Variants in LIN54 observed in about 807,000 individuals in gnomAD.
The protein encoded by LIN54 is lin-54 DREAM MuvB core complex component.
Under a neutral mutation model 78.7 loss-of-function variants are expected in LIN54, and 9 were observed. The observed-to-expected ratio is 0.11, with a 90% CI of 0.07 to 0.20. LIN54 has a LOEUF of 0.20. Ranked by LOEUF, LIN54 falls within the 10% of genes least tolerant of loss-of-function variation. LIN54 has a pLI of 1.00. For synonymous variants in LIN54, 269 were observed against 318.4 expected, an observed-to-expected ratio of 0.84 and a Z score of 1.65; for missense variants, 573 against 889.9, an observed-to-expected ratio of 0.64 and a Z score of 4.53.
At chr4:82,938,388 A>C (rs758013421) in intron 8 of LIN54, 25 bp downstream of exon 8, 1 of 1,267,896 alleles carries the variant, frequency 7.9e-7, no homozygotes, top group African/African-American at 1.5e-5. Context: ...CTAACAACTT[A>C]TGTACCTATT....
At position 82,995,489 on chromosome 4, in the gene LIN54, C is replaced by CTTTT. The variant is rs749880882; in HGVS notation, c.-32-10617_-32-10614dup. 1.2e-3 allele frequency among the ~76,000 whole-genome samples: 91 copies of CTTTT among 76,286 alleles called. 1 individual carries two copies. The highest frequency in any genetic ancestry group is 1.6e-3 in the African/African-American group (31 of 19,788). 50.0% of individuals were successfully genotyped at this position (76,286 alleles called of 152,430 possible). On this transcript the variant is annotated intron_variant, in intron 1 of 12. Transcript: ENST00000340417. ...GTCTTATGATTACACATCCTTATCT[C>CTTTT]TTTTTTTTTTTTTTTTTTTTTTTTG...
chr4:82,947,233 A>ATTTTT (rs1233101387), intron 4 of LIN54, among the ~76,000 whole-genome samples: 453 of 16,792 alleles, frequency 0.027, 11 homozygotes, highest in South Asian at 0.11. Flanking sequence ...ATATATATAT[A>ATTTTT]TATTTTTTTT....
intron 1 of LIN54, among the ~76,000 whole-genome samples, chr4:82,991,754 T>C (rs1727733715): frequency 6.6e-6 from 1 of 152,244 alleles, no homozygotes; most frequent in South Asian, 2.1e-4. Flanking sequence ...GAAAATCGTA[T>C]GGCTTTTCTT....
At chr4:83,009,633 G>C (rs1343421393) in intron 1 of LIN54, among the ~76,000 whole-genome samples, 1 of 152,142 alleles carries the variant, frequency 6.6e-6, no homozygotes, top group Non-Finnish European at 1.5e-5. Context: ...AATCAATCCA[G>C]CTCTCTAAAC....
At position 82,978,963 on chromosome 4, in the gene LIN54, G is replaced by A. The variant is rs748888011; in HGVS notation, c.728C>T (p.Thr243Met). 22 of 1,593,784 alleles carry A rather than the reference G, an allele frequency of 1.4e-5. No individual in the cohort carries two copies. Among genetic ancestry groups the A allele is most frequent in the East Asian group, 2.2e-5 (1 of 44,752 alleles). The change falls in exon 3 of 13, where the codon ACG becomes ATG. Residue 243 changes from threonine (T) to methionine (M), a missense_variant. By Grantham distance (81) the Thr-to-Met change is moderately conservative. Around this residue, in one of 6 missense-constraint regions of LIN54, gnomAD observed 199 missense variants for 260.9 expected, o/e 0.76. Transcript: ENST00000340417. ...PRTPTSGPVI[T>M]KLIFAKPINS... is the part of the protein sequence containing the mutation. ...AATTGGTTTTGCAAAGATCAGCTTCGTGATTACTGGACCAGAGGTTGGCGT... is the reference window on the plus strand; with the variant it reads ...AATTGGTTTTGCAAAGATCAGCTTCATGATTACTGGACCAGAGGTTGGCGT...
At chr4:82,946,720 GC>G (rs1723388415) in intron 4 of LIN54, among the ~76,000 whole-genome samples, 3 of 152,128 alleles carry the variant, frequency 2.0e-5, no homozygotes, top group African/African-American at 7.2e-5. Context: ...CAGATGACTT[GC>G]TATGAAGAAA....
At chr4:82,979,983 G>A (rs961160397) in intron 2 of LIN54, among the ~76,000 whole-genome samples, 7 of 143,888 alleles carry the variant, frequency 4.9e-5, no homozygotes, top group Admixed American at 1.4e-4. Context: ...GTCTCATCTC[G>A]TCACCCAGAC....
intron 1 of LIN54, among the ~76,000 whole-genome samples, chr4:82,987,218 G>C (rs999283530): frequency 6.6e-6 from 1 of 152,194 alleles, no homozygotes; most frequent in Non-Finnish European, 1.5e-5. Context: ...TTGAAGCCGG[G>C]AGGCGGAGGT....
At chr4:82,931,799 ATAT>A (rs1471615816) in intron 11 of LIN54, among the ~76,000 whole-genome samples, 1 of 152,164 alleles carries the variant, frequency 6.6e-6, no homozygotes, top group African/African-American at 2.4e-5. Flanking sequence ...TTTCAAAATC[ATAT>A]TATCTGCTTT....
At chr4:82,986,681 C>A (rs1441733939) in intron 1 of LIN54, among the ~76,000 whole-genome samples, 3 of 120,772 alleles carry the variant, frequency 2.5e-5, no homozygotes, top group African/African-American at 6.7e-5. Flanking sequence ...TTGAGCCGGG[C>A]GACAGAGCGA....
chr4:82,937,957 C>T (rs1221871344), intron 8 of LIN54, among the ~76,000 whole-genome samples: 3 of 151,836 alleles, frequency 2.0e-5, no homozygotes, highest in Non-Finnish European at 2.9e-5. Context: ...ATAGTGAGAC[C>T]GCATCTCTAC....
At chr4:82,982,573 C>G (rs1726767128) in intron 2 of LIN54, among the ~76,000 whole-genome samples, 1 of 152,102 alleles carries the variant, frequency 6.6e-6, no homozygotes. Flanking sequence ...ATTGCCAAAG[C>G]CAAATAAACT....
chr4:83,001,796 G>C (rs1336367829), intron 1 of LIN54, among the ~76,000 whole-genome samples: 10 of 141,178 alleles, frequency 7.1e-5, no homozygotes, highest in African/African-American at 1.4e-4. Flanking sequence ...TGCAGTGAGC[G>C]AAGATCGCAC....
chr4:82,931,152 G>A lies in LIN54; in HGVS notation c.1846-7C>T, dbSNP rs754998968. 6.2e-7 allele frequency: 1 copy of A among 1,612,384 alleles called. No individual in the cohort carries two copies. Among genetic ancestry groups the A allele is most frequent in the East Asian group, 2.2e-5 (1 of 44,864 alleles). On this transcript the variant is annotated splice_region_variant and splice_polypyrimidine_tract_variant and intron_variant, in intron 11 of 12. Transcript: ENST00000340417. ...AGGAACACATTATTTTTGCCTAAAA[G>A]ATTTACATAAGAAAAGTTTCCAAAT...
intron 1 of LIN54, among the ~76,000 whole-genome samples, chr4:82,993,199 GTTC>G (rs989409146): frequency 1.4e-5 from 2 of 142,060 alleles, no homozygotes; most frequent in Admixed American, 1.5e-4. Context: ...TGTTTGATTT[GTTC>G]TTCTTTTTCT....
intron 4 of LIN54, among the ~76,000 whole-genome samples, chr4:82,951,626 A>C (rs951340947): frequency 6.6e-6 from 1 of 152,214 alleles, no homozygotes; most frequent in East Asian, 1.9e-4. Flanking sequence ...AAAAGTGGGC[A>C]TCTCAAATCA....
At chr4:82,943,764 G>A (rs11934234) in intron 5 of LIN54, among the ~76,000 whole-genome samples, 31,029 of 151,774 alleles carry the variant, frequency 0.2, 3,366 homozygotes, top group South Asian at 0.32. Context: ...AAGCAGAAGA[G>A]TGGTGAAGGA....
intron 4 of LIN54, among the ~76,000 whole-genome samples, chr4:82,955,062 T>A (rs1219234411): frequency 6.6e-6 from 1 of 152,116 alleles, no homozygotes; most frequent in Admixed American, 6.6e-5. Flanking sequence ...CATGATTTTT[T>A]AAAAATACAC....
intron 12 of LIN54, 46 bp downstream of exon 12, chr4:82,930,896 CA>C (rs748365069): frequency 2.6e-6 from 4 of 1,560,756 alleles, no homozygotes; most frequent in Non-Finnish European, 3.5e-6. Flanking sequence ...GAAACTTTAC[CA>C]AAAGTATTTG....
Sources: gnomAD v4.1 joint callset for allele counts (sites outside exome capture counted in the v4.1 genomes callset) on GRCh38, gnomAD v4.1.1 for gene constraint, gnomAD v4.1.1 regional missense constraint, MANE v1.5 for transcripts, NCBI Gene and HGNC (gene_info 2026-07-23, HGNC 2026-07-21) for gene names.